Variants in TTC28 observed in about 807,000 individuals in gnomAD.
TTC28 encodes the protein tetratricopeptide repeat protein 28.
A neutral mutation model predicts 198.0 loss-of-function variants in TTC28; 61 were observed. That is an observed-to-expected ratio of 0.31 (90% confidence interval 0.25 to 0.38). The LOEUF (loss-of-function observed/expected upper bound fraction) is 0.38, where lower values mean the gene tolerates loss of function less well. Ranked by LOEUF, TTC28 falls within the 10% of genes least tolerant of loss-of-function variation. The pLI is 1.00. For synonymous variants in TTC28, 1,171 were observed against 1,297.8 expected (o/e 0.90, Z 2.10); for missense variants, 2,678 against 3,164.0 (o/e 0.85, Z 3.69).
intron 2 of TTC28, among the ~76,000 whole-genome samples, chr22:28,496,958 A>C (rs183030866): frequency 3.3e-5 from 5 of 152,256 alleles, no homozygotes; most frequent in Non-Finnish European, 7.4e-5. Flanking sequence ...AATCCCACTG[A>C]GAACACTTTT....
chr22:28,229,676 T>C (rs897644170), intron 5 of TTC28, among the ~76,000 whole-genome samples: 4 of 152,132 alleles, frequency 2.6e-5, no homozygotes, highest in Non-Finnish European at 5.9e-5. Flanking sequence ...TAAAAGCTTA[T>C]TCCCCACCAC....
chr22:28,524,589 G>A (rs1045094584), intron 2 of TTC28, among the ~76,000 whole-genome samples: 13 of 151,744 alleles, frequency 8.6e-5, no homozygotes, highest in Admixed American at 1.3e-4. Context: ...AATCCTTGGC[G>A]AAATGGTGAA....
At chr22:28,422,250 C>A (rs1168006685) in intron 2 of TTC28, among the ~76,000 whole-genome samples, 1 of 152,104 alleles carries the variant, frequency 6.6e-6, no homozygotes, top group Non-Finnish European at 1.5e-5. Context: ...GGTTTCCCTG[C>A]TAAATGGCTT....
intron 2 of TTC28, among the ~76,000 whole-genome samples, chr22:28,543,527 A>G (rs1362210114): frequency 6.6e-6 from 1 of 151,788 alleles, no homozygotes; most frequent in Non-Finnish European, 1.5e-5. Flanking sequence ...GAGAGAAAGA[A>G]AAGAAGAGAG....
chr22:28,069,925 AACACACACAC>A lies in TTC28; in HGVS notation c.3932+24145_3932+24154del, dbSNP rs60436240. ...CTACACTAAATTGAAAGGTTGTACAAACACACACACACACACACACACACACACACACACA... is the reference window on the plus strand; with the variant it reads ...CTACACTAAATTGAAAGGTTGTACAAACACACACACACACACACACACACA... On this transcript the variant is annotated intron_variant, in intron 12 of 22. Transcript: ENST00000397906. Among the ~76,000 whole-genome samples, 566 of 142,146 alleles carry A rather than the reference AACACACACAC, an allele frequency of 4.0e-3. 3 individuals are homozygous for A. The highest frequency in any genetic ancestry group is 7.1e-3 in the African/African-American group (272 of 38,576). The allele number at this position is 142,146 out of a possible 152,430, so 93.3% of individuals were successfully genotyped here.
At chr22:28,045,716 C>A (rs1939835226) in intron 12 of TTC28, among the ~76,000 whole-genome samples, 1 of 152,202 alleles carries the variant, frequency 6.6e-6, no homozygotes, top group Non-Finnish European at 1.5e-5. Context: ...GTAATCCCAG[C>A]ACTTTGGGAG....
At chr22:28,493,365 AT>A (rs1391891693) in intron 2 of TTC28, among the ~76,000 whole-genome samples, 1 of 152,068 alleles carries the variant, frequency 6.6e-6, no homozygotes, top group African/African-American at 2.4e-5. Flanking sequence ...CAAAAAAAAA[AT>A]TTTTTTAATT....
At chr22:28,482,100 T>G (rs1436042387) in intron 2 of TTC28, among the ~76,000 whole-genome samples, 1 of 152,096 alleles carries the variant, frequency 6.6e-6, no homozygotes, top group East Asian at 1.9e-4. Flanking sequence ...AATCAAATAT[T>G]TTTCTTCTCC....
intron 2 of TTC28, among the ~76,000 whole-genome samples, chr22:28,465,801 C>T (rs2048011815): frequency 6.6e-6 from 1 of 152,128 alleles, no homozygotes; most frequent in Non-Finnish European, 1.5e-5. Context: ...TCATCAAAGA[C>T]CTGTTCCCCT....
At chr22:28,233,063 T>C (rs1421308350) in intron 5 of TTC28, among the ~76,000 whole-genome samples, 2 of 151,830 alleles carry the variant, frequency 1.3e-5, no homozygotes, top group African/African-American at 4.8e-5. Flanking sequence ...GATCACACCA[T>C]TGCACTCCAA....
chr22:28,526,503 A>G (rs906150429), intron 2 of TTC28, among the ~76,000 whole-genome samples: 1 of 152,238 alleles, frequency 6.6e-6, no homozygotes, highest in Non-Finnish European at 1.5e-5. Flanking sequence ...GGGCAAGAAT[A>G]GCATGTATAC....
At chr22:28,363,146 A>G (rs1352925717) in intron 2 of TTC28, among the ~76,000 whole-genome samples, 1 of 152,096 alleles carries the variant, frequency 6.6e-6, no homozygotes, top group African/African-American at 2.4e-5. Flanking sequence ...CACAGGCCTG[A>G]AGGTTTAGGA....
chr22:28,275,908 T>A (rs1188693244), intron 5 of TTC28, among the ~76,000 whole-genome samples: 1 of 152,200 alleles, frequency 6.6e-6, no homozygotes, highest in Non-Finnish European at 1.5e-5. Context: ...GACCTCCCAG[T>A]TGAAACAGCA....
chr22:28,446,127 C>T (rs1221474845), intron 2 of TTC28, among the ~76,000 whole-genome samples: 1 of 152,110 alleles, frequency 6.6e-6, no homozygotes, highest in East Asian at 1.9e-4. Context: ...AATACCGAGC[C>T]GGTATCTAAA....
intron 13 of TTC28, among the ~76,000 whole-genome samples, chr22:28,021,655 C>A (rs1381287528): frequency 6.6e-6 from 1 of 152,134 alleles, no homozygotes. Flanking sequence ...CACATGTGTG[C>A]GTCTGATCTT....
intron 2 of TTC28, among the ~76,000 whole-genome samples, chr22:28,611,287 A>G (rs1057098093): frequency 1.3e-5 from 2 of 152,170 alleles, no homozygotes; most frequent in African/African-American, 4.8e-5. Flanking sequence ...GTTGAAATGA[A>G]GGAAAAAATG....
intron 2 of TTC28, among the ~76,000 whole-genome samples, chr22:28,560,945 T>C (rs143842671): frequency 0.016 from 2,426 of 151,126 alleles, 86 homozygotes; most frequent in African/African-American, 0.057. Context: ...TTAGTAGAGA[T>C]AGGGTTTCAC....
intron 2 of TTC28, among the ~76,000 whole-genome samples, chr22:28,520,823 C>T (rs868373582): frequency 2.0e-5 from 3 of 151,920 alleles, no homozygotes; most frequent in African/African-American, 4.8e-5. Context: ...GAGGCTGAGG[C>T]GGGCAGATCA....
chr22:28,500,174 AG>A (rs1465197529), intron 2 of TTC28, among the ~76,000 whole-genome samples: 1 of 152,136 alleles, frequency 6.6e-6, no homozygotes, highest in Non-Finnish European at 1.5e-5. Flanking sequence ...ATCCATCAGC[AG>A]TTATTCACCA....
Sources: gnomAD v4.1 joint callset for allele counts (sites outside exome capture counted in the v4.1 genomes callset) on GRCh38, gnomAD v4.1.1 for gene constraint, MANE v1.5 for transcripts, NCBI Gene and HGNC (gene_info 2026-07-23, HGNC 2026-07-21) for gene names.